CTNNA3: variants seen among roughly 807,000 people sequenced by gnomAD.
CTNNA3 encodes catenin alpha-3.
Under a neutral mutation model 95.7 loss-of-function variants are expected in CTNNA3, and 76 were observed. The ratio of observed to expected loss-of-function variants is 0.79; its 90% CI spans 0.66 to 0.96. CTNNA3 has a LOEUF of 0.96. CTNNA3 is among the 40% of genes least tolerant of loss of function. The pLI, the probability that CTNNA3 is intolerant of heterozygous loss-of-function variation, is 0.00. For missense variants in CTNNA3, 1,191 were observed against 1,089.8 expected (o/e 1.09, Z -1.31); for synonymous variants, 431 against 374.4 (o/e 1.15, Z -1.74).
chr10:66,662,783 G>A (rs1048221643), intron 9 of CTNNA3, among the ~76,000 whole-genome samples: 1 of 152,098 alleles, frequency 6.6e-6, no homozygotes, highest in Non-Finnish European at 1.5e-5. Flanking sequence ...TCATCTGAGA[G>A]AGAGAGAGAG....
chr10:67,694,953 T>C (rs796412593), intron 1 of CTNNA3, among the ~76,000 whole-genome samples: 6 of 152,324 alleles, frequency 3.9e-5, no homozygotes, highest in African/African-American at 1.4e-4. Flanking sequence ...TGTCTGTATT[T>C]TAGGTTTCTC....
At position 66,550,240 on chromosome 10, in the gene CTNNA3, A is replaced by G. The variant is rs941260787; in HGVS notation, c.1375-29467T>C. ...TGAAGTCTACTTTAACTGATAAACT[A>G]TCCCCTCAATTCTTTTTATGTTTAC... On this transcript the variant is annotated intron_variant, in intron 10 of 17. Transcript: ENST00000433211. Among the ~76,000 whole-genome samples, 23 of 151,978 alleles carry G rather than the reference A, an allele frequency of 1.5e-4. 1 individual carries two copies. Among genetic ancestry groups the G allele is most frequent in the Non-Finnish European group, 3.2e-4 (22 of 67,972 alleles).
At chr10:67,393,553 T>C (rs1844598006) in intron 5 of CTNNA3, among the ~76,000 whole-genome samples, 1 of 152,172 alleles carries the variant, frequency 6.6e-6, no homozygotes, top group Non-Finnish European at 1.5e-5. Flanking sequence ...GAATGTACTA[T>C]CACTATTTCT....
chr10:66,496,521 A>G (rs1254832040), intron 11 of CTNNA3, among the ~76,000 whole-genome samples: 1 of 152,200 alleles, frequency 6.6e-6, no homozygotes, highest in Non-Finnish European at 1.5e-5. Flanking sequence ...ATTCTTACGC[A>G]ATTTCAAAGT....
intron 5 of CTNNA3, among the ~76,000 whole-genome samples, chr10:67,438,658 A>G (rs908761302): frequency 6.6e-6 from 1 of 152,202 alleles, no homozygotes; most frequent in African/African-American, 2.4e-5. Context: ...TATGAAAGAC[A>G]GCTTTGAATT....
chr10:66,472,188 T>C (rs1417477180), intron 11 of CTNNA3, among the ~76,000 whole-genome samples: 1 of 151,968 alleles, frequency 6.6e-6, no homozygotes, highest in East Asian at 1.9e-4. Context: ...AAGGGTGCTT[T>C]TATTCTAGTG....
At chr10:66,722,106 C>T (rs936708554) in intron 9 of CTNNA3, among the ~76,000 whole-genome samples, 3 of 152,074 alleles carry the variant, frequency 2.0e-5, no homozygotes, top group African/African-American at 4.8e-5. Context: ...AGGCCGGGTG[C>T]GGTGGCTCAT....
At chr10:66,995,272 C>CT (rs1486939928) in intron 7 of CTNNA3, among the ~76,000 whole-genome samples, 1 of 152,158 alleles carries the variant, frequency 6.6e-6, no homozygotes, top group Non-Finnish European at 1.5e-5. Flanking sequence ...ACTGAAGACA[C>CT]TTTTTCCTCT....
At position 66,494,837 on chromosome 10, in the gene CTNNA3, T is replaced by C. The variant is rs1840048067; in HGVS notation, c.1531+25780A>G. 3.3e-5 allele frequency among the ~76,000 whole-genome samples: 5 copies of C among 152,340 alleles called. No individual in the cohort carries two copies. The South Asian group carries it at 1.0e-3, about 32-fold the overall frequency. Reference sequence around the variant, plus strand: ...CCACTGTCTATTACATTTCAAAAATTATCCTGTCACTTAGGAATTATCACT... The same window carrying C: ...CCACTGTCTATTACATTTCAAAAATCATCCTGTCACTTAGGAATTATCACT... On this transcript the variant is annotated intron_variant, in intron 11 of 17. Coordinates refer to ENST00000433211, the MANE Select transcript of CTNNA3 (RefSeq NM_013266.4).
intron 9 of CTNNA3, among the ~76,000 whole-genome samples, chr10:66,629,566 CT>C (rs879782165): frequency 3.3e-5 from 5 of 152,050 alleles, no homozygotes; most frequent in South Asian, 2.1e-4. Context: ...AGCAAATGTT[CT>C]TTCTCTACAA....
At chr10:66,260,732 T>C (rs1160756189) in intron 13 of CTNNA3, among the ~76,000 whole-genome samples, 1 of 152,160 alleles carries the variant, frequency 6.6e-6, no homozygotes, top group East Asian at 1.9e-4. Context: ...CAATGTCCTA[T>C]AAACCATCAT....
intron 15 of CTNNA3, among the ~76,000 whole-genome samples, chr10:66,048,681 A>G (rs1241647415): frequency 6.6e-6 from 1 of 152,198 alleles, no homozygotes; most frequent in Non-Finnish European, 1.5e-5. Flanking sequence ...GAATGGCATG[A>G]ACCTGGGAGG....
chr10:66,331,360 T>G (rs2092328045), intron 12 of CTNNA3, among the ~76,000 whole-genome samples: 2 of 129,030 alleles, frequency 1.6e-5, no homozygotes, highest in South Asian at 2.6e-4. Context: ...TTTTTTTTTT[T>G]TTTTTTTTTT....
rs2079164562 is a variant in CTNNA3 at position 66,019,770 on chromosome 10, T to TA, written c.2160-30974_2160-30973insT. ...ATTGCTTAGTGTAGTTTGATGTTCCTGCAGCTTCAAAGTCTATAAAATGAA... is the reference window on the plus strand; with the variant it reads ...ATTGCTTAGTGTAGTTTGATGTTCCTAGCAGCTTCAAAGTCTATAAAATGAA... On this transcript the variant is annotated intron_variant, in intron 15 of 17. Coordinates refer to ENST00000433211, the MANE Select transcript of CTNNA3 (RefSeq NM_013266.4). 2.0e-5 allele frequency among the ~76,000 whole-genome samples: 3 copies of TA among 152,174 alleles called. No individual in the cohort carries two copies. The South Asian group carries it at 6.2e-4, about 32-fold the overall frequency.
intron 9 of CTNNA3, among the ~76,000 whole-genome samples, chr10:66,648,953 G>T (rs889658417): frequency 6.6e-6 from 1 of 152,126 alleles, no homozygotes; most frequent in Non-Finnish European, 1.5e-5. Context: ...TTCTGGGAGG[G>T]TGTGTAGAAT....
intron 7 of CTNNA3, among the ~76,000 whole-genome samples, chr10:66,780,221 A>G (rs138619032): frequency 7.2e-5 from 11 of 152,278 alleles, no homozygotes; most frequent in Non-Finnish European, 1.6e-4. Context: ...TAAGAAAATG[A>G]ATGATACAAT....
At chr10:67,421,216 G>T (rs1293283216) in intron 5 of CTNNA3, among the ~76,000 whole-genome samples, 1 of 152,122 alleles carries the variant, frequency 6.6e-6, no homozygotes, top group Non-Finnish European at 1.5e-5. Flanking sequence ...AAGAACTAAA[G>T]AATTTGAAAT....
At chr10:67,189,350 C>T (rs1231828671) in intron 6 of CTNNA3, among the ~76,000 whole-genome samples, 3 of 151,832 alleles carry the variant, frequency 2.0e-5, no homozygotes, top group Non-Finnish European at 2.9e-5. Context: ...AGATGCTGGT[C>T]AAAAGATTCA....
chr10:66,972,043 C>A lies in CTNNA3; in HGVS notation c.1048-196519G>T, dbSNP rs375401985. Reference sequence around the variant, plus strand: ...TTGTCCTTGAATCTATGGTCTTTAACAGTCTTTATAATATCTTGAACTCTA... The same window carrying A: ...TTGTCCTTGAATCTATGGTCTTTAAAAGTCTTTATAATATCTTGAACTCTA... On this transcript the variant is annotated intron_variant, in intron 7 of 17. Transcript: ENST00000433211. Among the ~76,000 whole-genome samples the A allele has an allele frequency of 4.6e-4, 70 of 152,158 alleles. No individual in the cohort carries two copies. In the South Asian group the frequency reaches 0.014, roughly 31 times the overall value.
Sources: allele counts gnomAD v4.1 joint callset (sites outside exome capture counted in the v4.1 genomes callset), GRCh38; gene constraint gnomAD v4.1.1; transcripts MANE v1.5; gene names NCBI Gene and HGNC (gene_info 2026-07-23, HGNC 2026-07-21).